Variants in VPS37B observed in about 807,000 individuals in gnomAD.
VPS37B encodes the protein vacuolar protein sorting-associated protein 37B.
VPS37B carries 11 observed loss-of-function variants against 21.2 expected under a neutral mutation model. The observed-to-expected ratio is 0.52, with a 90% CI of 0.33 to 0.86. The LOEUF (loss-of-function observed/expected upper bound fraction) is 0.86, where lower values mean the gene tolerates loss of function less well. Among genes scored for constraint, VPS37B ranks in the 40% least tolerant of loss-of-function variants. The pLI is 0.03. For synonymous variants in VPS37B, 175 were observed against 159.6 expected, an observed-to-expected ratio of 1.10 and a Z score of -0.73; for missense variants, 389 against 374.8, an observed-to-expected ratio of 1.04 and a Z score of -0.31.
intron 1 of VPS37B, among the ~76,000 whole-genome samples, chr12:122,892,966 C>G (rs1175747216): frequency 1.3e-5 from 2 of 151,022 alleles, no homozygotes; most frequent in African/African-American, 4.9e-5. Context: ...GAGGCTAAGG[C>G]ACGAGAATCA....
At chr12:122,871,562 C>T in intron 1 of VPS37B, 11 of 985,732 alleles carry the variant, frequency 1.1e-5, no homozygotes, top group Non-Finnish European at 1.1e-5. Flanking sequence ...TGGGAAGGAA[C>T]TGTGTTTCCA....
In VPS37B at chr12:122,867,095, C is replaced by T. The variant is rs776775624; in HGVS notation, c.*21G>A. On this transcript the variant is annotated 3_prime_UTR_variant, in exon 4 of 4. Transcript: ENST00000267202. The surrounding 1 kb of genome is among the most constrained non-coding windows in gnomAD (Gnocchi z 5.5). The stretch of plus-strand genomic sequence containing the variant: ...AACACGCCAGGTGGAAGAAGTCTCC[C>T]GGGAAGGACCGCGCCGGCGCTCACT... 19 of 1,503,452 alleles carry T rather than the reference C, an allele frequency of 1.3e-5. 1 individual carries two copies. Among genetic ancestry groups the T allele is most frequent in the East Asian group, 6.9e-5 (3 of 43,400 alleles). 93.1% of individuals were successfully genotyped at this position (1,503,452 alleles called of 1,614,324 possible).
In VPS37B at chr12:122,868,992, T is replaced by A. The variant is rs753536917; in HGVS notation, c.284-430A>T. Among the ~76,000 whole-genome samples the A allele has an allele frequency of 2.0e-5, 3 of 152,152 alleles. No homozygotes were observed. Among genetic ancestry groups the A allele is most frequent in the Non-Finnish European group, 4.4e-5 (3 of 68,026 alleles). On this transcript the variant is annotated intron_variant, in intron 2 of 3. Transcript: ENST00000267202. This position sits in a 1 kb window ranked among gnomAD's most constrained non-coding sequence, Gnocchi z 5.5. ...CCGCCAGATAACCCCTACGCTGGCC[T>A]CCACCACCACAGAGGAGGTCCGCCT...
At chr12:122,879,927 T>C (rs1169385387) in intron 1 of VPS37B, 1 of 152,144 alleles carries the variant, frequency 6.6e-6, no homozygotes, top group African/African-American at 2.4e-5. Context: ...CTGGCCAACA[T>C]GGTGAAACCC....
chr12:122,881,648 G>A (rs2034248112), intron 1 of VPS37B: 2 of 152,236 alleles, frequency 1.3e-5, no homozygotes, highest in African/African-American at 4.8e-5. Context: ...GGCTGAGGAA[G>A]GAGGCTTGCT....
At chr12:122,872,574 G>C in intron 1 of VPS37B, 7 of 985,364 alleles carry the variant, frequency 7.1e-6, no homozygotes, top group Non-Finnish European at 8.4e-6. Context: ...GTAAGCAGTG[G>C]GGCTCCCGTC....
intron 2 of VPS37B, chr12:122,870,667 T>A (rs2034006204): frequency 4.9e-6 from 2 of 408,414 alleles, no homozygotes; most frequent in African/African-American, 4.1e-5. Flanking sequence ...GCCCAGGAGG[T>A]CGTGCTGAGC....
At chr12:122,894,525 C>T (rs937903567) in intron 1 of VPS37B, among the ~76,000 whole-genome samples, 2 of 152,194 alleles carry the variant, frequency 1.3e-5, no homozygotes, top group African/African-American at 4.8e-5. Context: ...GGAAAGAAAG[C>T]CAAAAGCCCC....
chr12:122,886,888 AT>A (rs533534096), intron 1 of VPS37B: 76 of 152,360 alleles, frequency 5.0e-4, no homozygotes, highest in African/African-American at 1.6e-3. Flanking sequence ...GGAAGGTTAA[AT>A]ACTTGCCCCA....
chr12:122,894,162 C>T (rs2034455294), intron 1 of VPS37B, among the ~76,000 whole-genome samples: 1 of 152,126 alleles, frequency 6.6e-6, no homozygotes, highest in Non-Finnish European at 1.5e-5. Flanking sequence ...AAAAGGTCTC[C>T]CAGCAACTGA....
intron 1 of VPS37B, chr12:122,873,488 T>A (rs1290308757): frequency 2.0e-5 from 3 of 152,208 alleles, no homozygotes; most frequent in African/African-American, 4.8e-5. Context: ...ATCAATCATT[T>A]GTTCAATAAA....
chr12:122,888,807 C>T (rs1445543397), intron 1 of VPS37B: 1 of 311,196 alleles, frequency 3.2e-6, no homozygotes, highest in Admixed American at 4.3e-5. Context: ...TTTATATTCT[C>T]CTTGATTTCC....
chr12:122,870,064 TAACAAAC>T (rs1442072140), intron 2 of VPS37B: 2 of 144,358 alleles, frequency 1.4e-5, no homozygotes, highest in African/African-American at 2.6e-5. Context: ...TTTTTACCAT[TAACAAAC>T]AGCATAAGAC....
rs779315720 is a variant in VPS37B, at chr12:122,868,504, C to A, written c.342G>T (p.Gly114=). The A allele has an allele frequency of 1.2e-5, 20 of 1,613,546 alleles. No individual in the cohort carries two copies. The highest frequency in any genetic ancestry group is 1.6e-5 in the Non-Finnish European group (19 of 1,179,934). Residue 114 remains glycine, a synonymous_variant, in exon 3 of 4, where the codon GGG becomes GGT. Transcript: ENST00000267202. The surrounding 1 kb of genome is among the most constrained non-coding windows in gnomAD (Gnocchi z 5.5). ...ETLLALLQAE[G]AKIEEDTENM... ...CCTCAGTGTCTTCCTCAATCTTGGCCCCTTCTGCCTGAAGAAGTGCTAACA... is the reference window on the plus strand; with the variant it reads ...CCTCAGTGTCTTCCTCAATCTTGGCACCTTCTGCCTGAAGAAGTGCTAACA...
At chr12:122,889,386 C>G (rs1029529620) in intron 1 of VPS37B, 1 of 152,896 alleles carries the variant, frequency 6.5e-6, no homozygotes, top group Non-Finnish European at 1.5e-5. Context: ...GGTCCTGCCA[C>G]GCCAAGCCAG....
intron 1 of VPS37B, among the ~76,000 whole-genome samples, chr12:122,893,839 A>G (rs2034451455): frequency 1.3e-5 from 2 of 152,054 alleles, no homozygotes; most frequent in Non-Finnish European, 2.9e-5. Context: ...AAAAAAAAAA[A>G]AAAAAAAATC....
intron 1 of VPS37B, chr12:122,877,011 G>C (rs1240121231): frequency 6.6e-6 from 1 of 152,176 alleles, no homozygotes; most frequent in Non-Finnish European, 1.5e-5. Context: ...CCAGTGTCTA[G>C]CTCCTCCACC....
In VPS37B at chr12:122,896,067, A is replaced by G. The variant is rs1457873750; in HGVS notation, c.-5T>C. On this transcript the variant is annotated 5_prime_UTR_variant, in exon 1 of 4. Transcript: ENST00000267202. ...TTCGCTCCCGGCGCCCGCCATCCCC[A>G]CGTCTCGGCCGTCGTCGCCACCGCC... 1.3e-6 allele frequency: 2 copies of G among 1,553,700 alleles called. No homozygotes were observed. The highest frequency in any genetic ancestry group is 1.7e-6 in the Non-Finnish European group (2 of 1,156,650).
At chr12:122,884,997 C>A (rs999404721) in intron 1 of VPS37B, 1 of 152,110 alleles carries the variant, frequency 6.6e-6, no homozygotes, top group African/African-American at 2.4e-5. Context: ...ACACCTGACC[C>A]GGAATTTGGT....
Sources: allele counts gnomAD v4.1 joint callset (sites outside exome capture counted in the v4.1 genomes callset), GRCh38; gene constraint gnomAD v4.1.1; non-coding constraint Gnocchi (gnomAD v3.1); transcripts MANE v1.5; gene names NCBI Gene and HGNC (gene_info 2026-07-23, HGNC 2026-07-21).